Variants in FBXO38 observed in about 807,000 individuals in gnomAD.
FBXO38 encodes F-box protein 38, also known as F-box only protein 38.
In FBXO38, 53 loss-of-function variants were observed where a neutral mutation model predicts 131.9. The ratio of observed to expected loss-of-function variants is 0.40; its 90% CI spans 0.32 to 0.51. The LOEUF (loss-of-function observed/expected upper bound fraction) is 0.51, where lower values mean the gene tolerates loss of function less well. Among genes scored for constraint, FBXO38 ranks in the 20% least tolerant of loss-of-function variants. The pLI, the probability that FBXO38 is intolerant of heterozygous loss-of-function variation, is 0.53. For missense variants in FBXO38, 1,076 were observed against 1,475.6 expected (o/e 0.73, Z 4.44); for synonymous variants, 452 against 505.6 (o/e 0.89, Z 1.42).
At chr5:148,414,491 C>T (rs977431334) in intron 10 of FBXO38, among the ~76,000 whole-genome samples, 185 bp downstream of exon 10, 6 of 152,108 alleles carry the variant, frequency 3.9e-5, no homozygotes, top group African/African-American at 1.4e-4. Context: ...CCTCTTTAAA[C>T]TTCTGACGTT....
intron 12 of FBXO38, among the ~76,000 whole-genome samples, chr5:148,422,992 C>T (rs1753526567): frequency 6.8e-6 from 1 of 147,492 alleles, no homozygotes; most frequent in Non-Finnish European, 1.5e-5. Flanking sequence ...TTGTTTTAAC[C>T]ACTGGACTAC....
intron 17 of FBXO38, chr5:148,434,097 C>T (rs902101734): frequency 4.9e-5 from 8 of 162,006 alleles, no homozygotes; most frequent in Non-Finnish European, 9.3e-5. Context: ...AGGGAAGCAG[C>T]GGTTGGGCCT....
At chr5:148,411,292 C>G (rs1294822127) in intron 9 of FBXO38, among the ~76,000 whole-genome samples, 1 of 152,162 alleles carries the variant, frequency 6.6e-6, no homozygotes, top group Non-Finnish European at 1.5e-5. Flanking sequence ...ACAGCATTTT[C>G]TTACCCATTT....
rs1034060675 is a variant in FBXO38, at chr5:148,441,230, T to A, written c.3381T>A (p.Asp1127Glu). The change falls in exon 21 of 22, where the codon GAT (aspartate) becomes GAA (glutamate). Residue 1127 changes from aspartate (D) to glutamate (E), a missense_variant. Physicochemically the swap from Asp to Glu is conservative, Grantham distance 45. This residue lies in a region of FBXO38 where 282 missense variants were observed against 418.8 expected (regional missense o/e 0.67). Transcript: ENST00000340253. ...NSFARYDFED[D>E]EESTIYAPRR... Reference sequence around the variant, plus strand: ...TCGCTCGATACGACTTTGAAGACGATGAAGAAAGTAATTATGACCTGACTT... The same window carrying A: ...TCGCTCGATACGACTTTGAAGACGAAGAAGAAAGTAATTATGACCTGACTT... The A allele has an allele frequency of 1.2e-6, 2 of 1,611,996 alleles. No individual in the cohort carries two copies. The highest frequency in any genetic ancestry group is 1.7e-6 in the Non-Finnish European group (2 of 1,178,204).
chr5:148,439,623 ATC>A (rs1754556478), intron 18 of FBXO38, 22 bp from the exon 19 acceptor site: 1 of 1,595,264 alleles, frequency 6.3e-7, no homozygotes, highest in Non-Finnish European at 8.5e-7. Context: ...TGTTGAAGAC[ATC>A]TCTTTATGAT....
chr5:148,438,398 A>G lies in FBXO38; in HGVS notation c.2924A>G (p.Tyr975Cys), dbSNP rs977679059. 5 of 1,614,068 alleles carry G rather than the reference A, an allele frequency of 3.1e-6. No homozygotes were observed. The highest frequency in any genetic ancestry group is 1.1e-5 in the South Asian group (1 of 91,074). ...ENAPIVNRFDYAQCKKLNMDQ... is the reference protein window; with the variant it reads ...ENAPIVNRFDCAQCKKLNMDQ... ...GCACCAATTGTAAACCGATTTGACT[A>G]TGCACAGTGCAAGAAACTGAACATG... The change falls in exon 18 of 22, where the codon TAT becomes TGT. Residue 975 changes from tyrosine (Y) to cysteine (C), a missense_variant. Physicochemically the swap from Tyr to Cys is radical, Grantham distance 194. Around this residue, in one of 8 missense-constraint regions of FBXO38, gnomAD observed 282 missense variants for 418.8 expected, o/e 0.67. Coordinates refer to ENST00000340253, the MANE Select transcript of FBXO38 (RefSeq NM_205836.3).
chr5:148,400,897 A>G (rs1327263765), intron 3 of FBXO38, among the ~76,000 whole-genome samples: 1 of 152,136 alleles, frequency 6.6e-6, no homozygotes, highest in Non-Finnish European at 1.5e-5. Flanking sequence ...ATAAATGAAA[A>G]AAAATGATTA....
At chr5:148,384,368 C>G (rs945209657) in intron 1 of FBXO38, among the ~76,000 whole-genome samples, 17 of 152,136 alleles carry the variant, frequency 1.1e-4, no homozygotes, top group African/African-American at 3.6e-4. Flanking sequence ...TCTCCCACCC[C>G]GGGCGTCACG....
At chr5:148,422,242 A>C (rs957248506) in intron 12 of FBXO38, among the ~76,000 whole-genome samples, 1 of 152,154 alleles carries the variant, frequency 6.6e-6, no homozygotes, top group Non-Finnish European at 1.5e-5. Flanking sequence ...TGGACCACCA[A>C]ATGCTGTACG....
At chr5:148,388,361 T>C (rs1457668742) in intron 1 of FBXO38, among the ~76,000 whole-genome samples, 1 of 152,224 alleles carries the variant, frequency 6.6e-6, no homozygotes, top group East Asian at 1.9e-4. Flanking sequence ...TGTCACCAGC[T>C]GCATTCTCTA....
chr5:148,424,131 C>G lies in FBXO38; in HGVS notation c.1738+14C>G, dbSNP rs763791110. 2 of 1,607,332 alleles carry G rather than the reference C, an allele frequency of 1.2e-6. No individual in the cohort carries two copies. Among genetic ancestry groups the G allele is most frequent in the Admixed American group, 3.4e-5 (2 of 59,004 alleles). On this transcript the variant is annotated intron_variant, in intron 13 of 21. Transcript: ENST00000340253. ...AGGAACAAGCAGGTAATCATGTGAT[C>G]CATCCCACATTCATCATTCTGAAAC...
intron 2 of FBXO38, among the ~76,000 whole-genome samples, chr5:148,395,190 C>T (rs1758416789): frequency 6.6e-6 from 1 of 152,070 alleles, no homozygotes; most frequent in African/African-American, 2.4e-5. Flanking sequence ...CATTTCTAGG[C>T]TTCTTGGGAT....
chr5:148,390,304 G>A (rs1758134540), intron 1 of FBXO38, among the ~76,000 whole-genome samples: 1 of 152,138 alleles, frequency 6.6e-6, no homozygotes, highest in East Asian at 1.9e-4. Flanking sequence ...AACATTTTCA[G>A]AGACATCTAC....
At chr5:148,403,915 C>T (rs1413082963) in intron 5 of FBXO38, among the ~76,000 whole-genome samples, 1 of 152,106 alleles carries the variant, frequency 6.6e-6, no homozygotes, top group African/African-American at 2.4e-5. Context: ...GTGTCCCTTC[C>T]TTGGCTTTTA....
chr5:148,387,690 C>CT (rs142417126), intron 1 of FBXO38, among the ~76,000 whole-genome samples: 8,873 of 126,678 alleles, frequency 0.07, 614 homozygotes, highest in East Asian at 0.3. Flanking sequence ...GAATTTATTT[C>CT]TTTTTTTTTT....
At chr5:148,386,636 A>G (rs1561507089) in intron 1 of FBXO38, among the ~76,000 whole-genome samples, 1 of 152,116 alleles carries the variant, frequency 6.6e-6, no homozygotes, top group Non-Finnish European at 1.5e-5. Context: ...TAAGGTTCAG[A>G]GTCTTAGGGT....
At chr5:148,429,012 T>G (rs888912150) in intron 15 of FBXO38, among the ~76,000 whole-genome samples, 8 of 152,200 alleles carry the variant, frequency 5.3e-5, no homozygotes, top group Admixed American at 3.9e-4. Flanking sequence ...CAGTGTACAG[T>G]GTATAATTCA....
In FBXO38 at chr5:148,410,641, T is replaced by C; in HGVS notation, c.969T>C (p.His323=). The change falls in exon 9 of 22, where the codon CAT becomes CAC. Residue 323 remains histidine (H), a synonymous_variant. Transcript: ENST00000340253. ...YLIITAARRL[H]EVRIQPSLTK... ...TCTCTGTCTTTATTCACAGGTTACA[T>C]GAAGTTCGGATCCAGCCTTCCCTAA... 6.2e-7 allele frequency: 1 copy of C among 1,614,016 alleles called. No individual in the cohort carries two copies. The highest frequency in any genetic ancestry group is 8.5e-7 in the Non-Finnish European group (1 of 1,179,970).
chr5:148,389,593 G>T (rs1213873698), intron 1 of FBXO38, among the ~76,000 whole-genome samples: 2 of 152,140 alleles, frequency 1.3e-5, no homozygotes, highest in South Asian at 4.1e-4. Context: ...TGAGTTGAAG[G>T]CAGGGTGTTT....
Sources: allele counts gnomAD v4.1 joint callset (sites outside exome capture counted in the v4.1 genomes callset), GRCh38; gene constraint gnomAD v4.1.1; regional missense constraint gnomAD v4.1.1; transcripts MANE v1.5; gene names NCBI Gene and HGNC (gene_info 2026-07-23, HGNC 2026-07-21).